The following DENND2B variants were observed in gnomAD, a reference collection of about 807,000 sequenced individuals.
The protein encoded by DENND2B is DENN domain containing 2B, also known as DENN domain-containing protein 2B.
DENND2B carries 32 observed loss-of-function variants against 116.0 expected under a neutral mutation model. The ratio of observed to expected loss-of-function variants is 0.28; its 90% CI spans 0.21 to 0.37. The LOEUF is 0.37. DENND2B is among the 10% of genes least tolerant of loss of function. DENND2B has a pLI of 1.00. For synonymous variants in DENND2B, 588 were observed against 583.9 expected (o/e 1.01, Z -0.10); for missense variants, 1,276 against 1,477.7 (o/e 0.86, Z 2.24).
intron 3 of DENND2B, among the ~76,000 whole-genome samples, chr11:8,841,348 G>A (rs370431895): frequency 8.5e-5 from 13 of 152,144 alleles, no homozygotes; most frequent in East Asian, 3.9e-4. Context: ...CAAACAAAAC[G>A]TGTGTTTTTG....
rs182764204 is a variant in DENND2B, at chr11:8,850,396, C to T, written c.-156+6947G>A. ...AAAATGGGCAAAGGACCTGAACAGA[C>T]GTTTTTCAGAAGAAGATATACAAAT... On this transcript the variant is annotated intron_variant, in intron 3 of 6. Coordinates refer to the DENND2B transcript ENST00000524757. Among the ~76,000 whole-genome samples, 242 of 151,918 alleles carry T rather than the reference C, an allele frequency of 1.6e-3. 2 individuals carry two copies. The highest frequency in any genetic ancestry group is 2.7e-3 in the Admixed American group (41 of 15,258).
intron 1 of DENND2B, 159 bp downstream of exon 1, chr11:8,810,358 C>T (rs957609964): frequency 1.3e-5 from 2 of 152,150 alleles, no homozygotes; most frequent in African/African-American, 4.8e-5. Context: ...TGTTTCCCTC[C>T]TCCTTAAGCT....
chr11:8,734,630 A>G (rs1370689791), intron 2 of DENND2B, among the ~76,000 whole-genome samples: 1 of 152,050 alleles, frequency 6.6e-6, no homozygotes, highest in Non-Finnish European at 1.5e-5. Flanking sequence ...TCTACTAAAA[A>G]TAACAAAAAT....
At chr11:8,864,508 A>AGG (rs2063512328) in intron 2 of DENND2B, among the ~76,000 whole-genome samples, 1 of 152,098 alleles carries the variant, frequency 6.6e-6, no homozygotes, top group African/African-American at 2.4e-5. Context: ...GGCTTCAAGC[A>AGG]ATCCTCCCAA....
At chr11:8,885,851 T>G (rs1264684775) in intron 1 of DENND2B, among the ~76,000 whole-genome samples, 2 of 152,114 alleles carry the variant, frequency 1.3e-5, no homozygotes, top group African/African-American at 4.8e-5. Flanking sequence ...AATTAATAAG[T>G]TTTGTATGTT....
intron 19 of DENND2B, 54 bp from the exon 20 acceptor site, chr11:8,694,184 C>T (rs1415836910): frequency 1.1e-5 from 17 of 1,599,308 alleles, no homozygotes; most frequent in Middle Eastern, 1.7e-4. Flanking sequence ...TTCCAACCTC[C>T]ACTCCCTCTC....
chr11:8,777,905 G>T (rs2057918404), intron 1 of DENND2B, among the ~76,000 whole-genome samples: 1 of 152,196 alleles, frequency 6.6e-6, no homozygotes, highest in Non-Finnish European at 1.5e-5. Context: ...TGACTTAGCT[G>T]TTGCTTTTTA....
intron 9 of DENND2B, among the ~76,000 whole-genome samples, chr11:8,711,617 C>T (rs761726759): frequency 1.3e-5 from 2 of 151,944 alleles, no homozygotes; most frequent in Non-Finnish European, 2.9e-5. Context: ...CTGTTAATCC[C>T]AGCGCTTTGG....
intron 1 of DENND2B, among the ~76,000 whole-genome samples, chr11:8,790,898 A>G (rs1400083253): frequency 1.4e-4 from 22 of 152,242 alleles, no homozygotes; most frequent in Admixed American, 1.4e-3. Context: ...CAACCCTTGG[A>G]AAAACAACCC....
intron 1 of DENND2B, among the ~76,000 whole-genome samples, chr11:8,902,613 C>T (rs1202265547): frequency 2.0e-5 from 3 of 152,278 alleles, no homozygotes; most frequent in East Asian, 3.9e-4. Flanking sequence ...TCGCTTAAAG[C>T]AACACAAGTT....
intron 2 of DENND2B, among the ~76,000 whole-genome samples, chr11:8,735,871 CT>C (rs1245818356): frequency 6.6e-6 from 1 of 152,252 alleles, no homozygotes; most frequent in Non-Finnish European, 1.5e-5. Flanking sequence ...GTGTCATCCC[CT>C]GGCATGGATG....
At chr11:8,841,418 C>A (rs1050484687) in intron 3 of DENND2B, among the ~76,000 whole-genome samples, 1 of 152,110 alleles carries the variant, frequency 6.6e-6, no homozygotes, top group South Asian at 2.1e-4. Flanking sequence ...CTTGGAGGAT[C>A]GCTTGAGCTC....
chr11:8,877,143 G>A (rs183505618), intron 2 of DENND2B, among the ~76,000 whole-genome samples: 3 of 111,702 alleles, frequency 2.7e-5, no homozygotes, highest in African/African-American at 7.0e-5. Flanking sequence ...TCACTCTGTT[G>A]CCCAGGCTGG....
chr11:8,876,667 A>G (rs2063844236), intron 2 of DENND2B, among the ~76,000 whole-genome samples: 1 of 152,128 alleles, frequency 6.6e-6, no homozygotes, highest in Non-Finnish European at 1.5e-5. Flanking sequence ...ACCTGAGGTC[A>G]GGAGTTCAAG....
chr11:8,712,404 C>A lies in DENND2B; in HGVS notation c.2172+147G>T. ...CCCCCGCTGCAGCCCTGTCTTCCCT[C>A]CTGGCTGAGAGGAGGCAGGTTCAGG... On this transcript the variant is annotated intron_variant, in intron 9 of 19. Coordinates refer to ENST00000313726, the MANE Select transcript of DENND2B (RefSeq NM_213618.2). The surrounding 1 kb of genome is among the most constrained non-coding windows in gnomAD (Gnocchi z 4.4). 3.3e-6 allele frequency: 3 copies of A among 919,738 alleles called. 1 individual carries two copies. The South Asian group carries it at 5.4e-5, about 17-fold the overall frequency. 57.0% of individuals were successfully genotyped at this position (919,738 alleles called of 1,614,324 possible).
In DENND2B at chr11:8,702,625, G is replaced by A. The variant is rs2041912462; in HGVS notation, c.2667C>T (p.Ile889=). 1 of 1,613,904 alleles carries A rather than the reference G, an allele frequency of 6.2e-7. No individual in the cohort carries two copies. The highest frequency in any genetic ancestry group is 1.7e-5 in the Admixed American group (1 of 60,030). Residue 889 remains isoleucine, a synonymous_variant, in exon 14 of 20, where the codon ATC becomes ATT. Transcript: ENST00000313726. The surrounding 1 kb of genome is among the most constrained non-coding windows in gnomAD (Gnocchi z 4.6). ...GGCGCTCCAGCAGCAGTGAGGCAAA[G>A]ATTCGGATGAGCTGGCGCACACTGA... The part of the protein sequence containing the change: ...TCLSVRQLIR[I]FASLLLERRV...
At chr11:8,868,704 G>A (rs976485238) in intron 2 of DENND2B, among the ~76,000 whole-genome samples, 2 of 152,236 alleles carry the variant, frequency 1.3e-5, no homozygotes, top group Non-Finnish European at 2.9e-5. Context: ...TAGAGCAGAT[G>A]CTATTACTTT....
At chr11:8,871,608 A>G (rs1025407691), upstream of DENND2B, among the ~76,000 whole-genome samples, 7 of 152,202 alleles carry the variant, frequency 4.6e-5, no homozygotes, top group East Asian at 1.9e-4. Flanking sequence ...ACAAAACCCA[A>G]ATGAAATTCA....
intron 1 of DENND2B, among the ~76,000 whole-genome samples, chr11:8,800,468 T>C (rs1052816445): frequency 6.6e-6 from 1 of 152,210 alleles, no homozygotes; most frequent in Non-Finnish European, 1.5e-5. Flanking sequence ...CCCCTGCCTG[T>C]GGAAGCCTGC....
Sources: gnomAD v4.1 joint callset for allele counts (sites outside exome capture counted in the v4.1 genomes callset) on GRCh38, gnomAD v4.1.1 for gene constraint, Gnocchi (gnomAD v3.1) non-coding constraint, MANE v1.5 for transcripts, NCBI Gene and HGNC (gene_info 2026-07-23, HGNC 2026-07-21) for gene names.